Variants in CCDC60 observed in about 807,000 individuals in gnomAD.
The protein encoded by CCDC60 is coiled-coil domain containing 60, also known as coiled-coil domain-containing protein 60.
Under a neutral mutation model 63.5 loss-of-function variants are expected in CCDC60, and 54 were observed. That is an observed-to-expected ratio of 0.85 (90% CI 0.68 to 1.07). The LOEUF is 1.07. CCDC60 is among the 50% of genes least tolerant of loss of function. The pLI is 0.00. For synonymous variants in CCDC60, 206 were observed against 238.8 expected, an observed-to-expected ratio of 0.86 and a Z score of 1.27; for missense variants, 651 against 684.3, an observed-to-expected ratio of 0.95 and a Z score of 0.54.
chr12:119,477,881 A>G (rs1301729516), intron 3 of CCDC60, among the ~76,000 whole-genome samples: 2 of 152,066 alleles, frequency 1.3e-5, no homozygotes, highest in Non-Finnish European at 2.9e-5. Flanking sequence ...TAAAATACAG[A>G]CAATTGATTC....
rs760703876 is a variant in CCDC60 at position 119,505,156 on chromosome 12, G to T, written c.736G>T (p.Gly246Trp). ...GSTLSLSRAS[G>W]GSSPQSSMIS... ...CACACTCAGTCTGAGTCGGGCCAGT[G>T]GGGGGTCCTCTCCCCAGAGCAGCAT... The change falls in exon 7 of 14, where the codon GGG (glycine) becomes TGG (tryptophan). Residue 246 changes from glycine to tryptophan, a missense_variant. Physicochemically the swap from Gly to Trp is radical, Grantham distance 184 (BLOSUM62 -2). Transcript: ENST00000327554. The T allele has an allele frequency of 1.4e-5, 22 of 1,613,672 alleles. No individual in the cohort carries two copies. The highest frequency in any genetic ancestry group is 1.9e-5 in the Non-Finnish European group (22 of 1,179,912).
intron 1 of CCDC60, among the ~76,000 whole-genome samples, chr12:119,413,807 CT>C (rs1340986182): frequency 6.6e-6 from 1 of 152,176 alleles, no homozygotes; most frequent in East Asian, 1.9e-4. Flanking sequence ...CCTCAAGCCC[CT>C]CAGAGAGCAG....
chr12:119,506,627 GAGA>G (rs968109911), intron 7 of CCDC60, among the ~76,000 whole-genome samples: 5 of 151,630 alleles, frequency 3.3e-5, no homozygotes, highest in African/African-American at 1.2e-4. Flanking sequence ...GAGAAAAGAA[GAGA>G]AGAAGGGAAG....
At chr12:119,447,217 C>A (rs1214907701) in intron 2 of CCDC60, among the ~76,000 whole-genome samples, 2 of 152,122 alleles carry the variant, frequency 1.3e-5, no homozygotes, top group African/African-American at 2.4e-5. Flanking sequence ...AATCAAAAGC[C>A]CTCTTTGCAC....
At chr12:119,344,185 T>C (rs1454493864) in intron 1 of CCDC60, among the ~76,000 whole-genome samples, 1 of 152,130 alleles carries the variant, frequency 6.6e-6, no homozygotes, top group East Asian at 1.9e-4. Flanking sequence ...GACCTCTCCC[T>C]ATTAGATGAC....
chr12:119,449,175 GTCAA>G (rs940711176), intron 2 of CCDC60, among the ~76,000 whole-genome samples: 48 of 152,120 alleles, frequency 3.2e-4, no homozygotes, highest in Admixed American at 2.0e-4. Flanking sequence ...AGATTCTACC[GTCAA>G]TCAAAGCACA....
At chr12:119,422,885 A>G (rs1010243562) in intron 1 of CCDC60, among the ~76,000 whole-genome samples, 3 of 152,168 alleles carry the variant, frequency 2.0e-5, no homozygotes, top group Non-Finnish European at 4.4e-5. Context: ...GCATTCATTC[A>G]ATGGCAAGTG....
chr12:119,472,772 G>A (rs575036676), intron 3 of CCDC60, among the ~76,000 whole-genome samples: 196 of 151,820 alleles, frequency 1.3e-3, no homozygotes, highest in African/African-American at 4.5e-3. Flanking sequence ...TAATAGAGAC[G>A]GGGTTTCACT....
intron 5 of CCDC60, among the ~76,000 whole-genome samples, chr12:119,489,259 C>T (rs997818656): frequency 6.6e-6 from 1 of 152,182 alleles, no homozygotes; most frequent in Non-Finnish European, 1.5e-5. Flanking sequence ...TATTCTTCTT[C>T]CTTTTCCTCC....
At chr12:119,344,855 TCACACACACACACACACA>T (rs1199779284) in intron 1 of CCDC60, among the ~76,000 whole-genome samples, 5 of 114,858 alleles carry the variant, frequency 4.4e-5, no homozygotes, top group South Asian at 7.0e-4. Flanking sequence ...TCTCTCTCTC[TCACACACACACACACACA>T]CACACACACA....
At chr12:119,354,634 G>T (rs990009340) in intron 1 of CCDC60, among the ~76,000 whole-genome samples, 1 of 152,196 alleles carries the variant, frequency 6.6e-6, no homozygotes, top group Non-Finnish European at 1.5e-5. Context: ...GGGGCTCCAG[G>T]CAAATGGATG....
chr12:119,525,493 C>A (rs924806048), intron 11 of CCDC60, among the ~76,000 whole-genome samples: 1 of 152,162 alleles, frequency 6.6e-6, no homozygotes, highest in Non-Finnish European at 1.5e-5. Flanking sequence ...GGGCTATATT[C>A]AACATTCTTA....
intron 1 of CCDC60, among the ~76,000 whole-genome samples, chr12:119,387,064 A>G (rs1956074939): frequency 6.7e-6 from 1 of 148,796 alleles, no homozygotes. Context: ...ACACACACAC[A>G]CACACACACA....
intron 1 of CCDC60, among the ~76,000 whole-genome samples, chr12:119,428,195 AT>A (rs1253418982): frequency 2.0e-5 from 3 of 151,886 alleles, no homozygotes; most frequent in African/African-American, 7.3e-5. Context: ...GCATCTTTAC[AT>A]TGACAAGATT....
intron 4 of CCDC60, among the ~76,000 whole-genome samples, chr12:119,483,176 GAA>G (rs1951363706): frequency 6.6e-6 from 1 of 152,170 alleles, no homozygotes; most frequent in Non-Finnish European, 1.5e-5. Flanking sequence ...TTGTTGGGGG[GAA>G]GCAGCAAAGT....
intron 2 of CCDC60, among the ~76,000 whole-genome samples, chr12:119,434,578 GC>G (rs1186201477): frequency 1.3e-5 from 2 of 152,228 alleles, no homozygotes; most frequent in Non-Finnish European, 2.9e-5. Context: ...TGAAGAAGCT[GC>G]TGCTTTAGCT....
At chr12:119,473,673 T>A (rs941131069) in intron 3 of CCDC60, among the ~76,000 whole-genome samples, 37 of 152,178 alleles carry the variant, frequency 2.4e-4, no homozygotes, top group African/African-American at 8.7e-4. Flanking sequence ...TCCTCATAGC[T>A]TAGCTCCCAC....
chr12:119,409,367 T>C (rs1388334860), intron 1 of CCDC60, among the ~76,000 whole-genome samples: 1 of 152,074 alleles, frequency 6.6e-6, no homozygotes, highest in Non-Finnish European at 1.5e-5. Flanking sequence ...CATGGGCATC[T>C]ACTTACTAGA....
chr12:119,529,375 G>T lies in CCDC60; in HGVS notation c.1361+629G>T, dbSNP rs1487023562. Reference sequence around the variant, plus strand: ...CAGAGGGGTAAATTCACTTGTCAAAGGTCACACCATCAGTTAACTGGTGAA... The same window carrying T: ...CAGAGGGGTAAATTCACTTGTCAAATGTCACACCATCAGTTAACTGGTGAA... On this transcript the variant is annotated intron_variant, in intron 12 of 13. Coordinates refer to ENST00000327554, the MANE Select transcript of CCDC60 (RefSeq NM_178499.5). Among the ~76,000 whole-genome samples the T allele has an allele frequency of 2.6e-5, 4 of 152,022 alleles. No individual in the cohort carries two copies. In the East Asian group the frequency reaches 5.8e-4, roughly 22 times the overall value.
Sources: allele counts gnomAD v4.1 joint callset (sites outside exome capture counted in the v4.1 genomes callset), GRCh38; gene constraint gnomAD v4.1.1; transcripts MANE v1.5; gene names NCBI Gene and HGNC (gene_info 2026-07-23, HGNC 2026-07-21).